The following YAE1 variants were observed in gnomAD, a reference collection of about 807,000 sequenced individuals.
YAE1 encodes protein YAE1 homolog.
In YAE1, 22 loss-of-function variants were observed where a neutral mutation model predicts 23.0. The ratio of observed to expected loss-of-function variants is 0.96; its 90% CI spans 0.68 to 1.37. The LOEUF (loss-of-function observed/expected upper bound fraction) is 1.37. Ranked by LOEUF, YAE1 falls within the 40% of genes most tolerant of loss-of-function variation. The pLI is 0.00. For synonymous variants in YAE1, 101 were observed against 97.0 expected, an observed-to-expected ratio of 1.04 and a Z score of -0.24; for missense variants, 260 against 262.1, an observed-to-expected ratio of 0.99 and a Z score of 0.06.
At chr7:39,569,952 A>G in intron 1 of YAE1, 2 of 1,324,576 alleles carry the variant, frequency 1.5e-6, no homozygotes, top group Non-Finnish European at 2.2e-6. Flanking sequence ...TGTGACATCT[A>G]CTTTCACAAC....
chr7:39,609,511 G>A, intron 2 of YAE1: 2 of 1,422,942 alleles, frequency 1.4e-6, no homozygotes, highest in Admixed American at 2.3e-5. Flanking sequence ...TTCGTTATAA[G>A]TTTATCAGAA....
At chr7:39,578,874 A>G (rs946604474) in intron 2 of YAE1, among the ~76,000 whole-genome samples, 14 of 152,238 alleles carry the variant, frequency 9.2e-5, no homozygotes, top group Admixed American at 3.3e-4. Flanking sequence ...AGTCATTACA[A>G]ATTTTACAAT....
At chr7:39,609,479 G>T in intron 2 of YAE1, 1 of 1,159,568 alleles carries the variant, frequency 8.6e-7, no homozygotes, top group African/African-American at 1.6e-5. Flanking sequence ...GGAAAGTTGG[G>T]GGGTTGTAAC....
downstream of YAE1, among the ~76,000 whole-genome samples, chr7:39,611,945 G>A (rs1466823491): frequency 3.3e-5 from 5 of 152,154 alleles, no homozygotes; most frequent in Middle Eastern, 3.2e-3. Flanking sequence ...CTTAGAGATA[G>A]TCCTGGAATA....
At chr7:39,575,581 AGT>A (rs1179474179), downstream of YAE1, among the ~76,000 whole-genome samples, 4 of 105,478 alleles carry the variant, frequency 3.8e-5, no homozygotes, top group East Asian at 8.4e-4. Context: ...AGAGAGAGTG[AGT>A]GTGTGTGTGT....
chr7:39,610,880 G>T (rs961462687), downstream of YAE1, among the ~76,000 whole-genome samples: 2 of 152,208 alleles, frequency 1.3e-5, no homozygotes, highest in African/African-American at 4.8e-5. Flanking sequence ...GGGTATGGTG[G>T]CTCATGCCTG....
At chr7:39,603,085 A>G (rs943343324) in intron 2 of YAE1, among the ~76,000 whole-genome samples, 2 of 152,192 alleles carry the variant, frequency 1.3e-5, no homozygotes, top group Non-Finnish European at 2.9e-5. Context: ...TCTGTGCCCC[A>G]GAAAAGTAAG....
At chr7:39,578,108 G>C (rs933550058) in intron 2 of YAE1, among the ~76,000 whole-genome samples, 1 of 152,174 alleles carries the variant, frequency 6.6e-6, no homozygotes, top group African/African-American at 2.4e-5. Flanking sequence ...AGCTAATCTG[G>C]TGGGGACTTG....
At chr7:39,585,663 C>A (rs1214450591) in intron 2 of YAE1, among the ~76,000 whole-genome samples, 1 of 152,198 alleles carries the variant, frequency 6.6e-6, no homozygotes, top group Non-Finnish European at 1.5e-5. Flanking sequence ...GCAAATGGCA[C>A]AACTTCCTTT....
At chr7:39,579,435 G>A (rs536244104) in intron 2 of YAE1, among the ~76,000 whole-genome samples, 3 of 152,232 alleles carry the variant, frequency 2.0e-5, no homozygotes, top group Admixed American at 1.3e-4. Context: ...ATGAGAGGCC[G>A]AGGTGGACAG....
intron 2 of YAE1, among the ~76,000 whole-genome samples, chr7:39,597,094 G>T (rs1407334699): frequency 6.6e-6 from 1 of 152,206 alleles, no homozygotes; most frequent in Admixed American, 6.5e-5. Context: ...TACAAGGCTT[G>T]TCCCTTAAAG....
At chr7:39,609,969 A>G (rs138555838) in exon 3 of YAE1, 3 of 1,518,320 alleles carry the variant, frequency 2.0e-6, no homozygotes, top group East Asian at 2.5e-5. Flanking sequence ...AATCATTATC[A>G]GAGGTGGACA....
At chr7:39,579,195 C>T (rs1423784262) in intron 2 of YAE1, among the ~76,000 whole-genome samples, 1 of 152,194 alleles carries the variant, frequency 6.6e-6, no homozygotes, top group Non-Finnish European at 1.5e-5. Flanking sequence ...TGCAGAGCTG[C>T]TTTTATGCCC....
At chr7:39,608,289 A>C (rs1791158756) in intron 2 of YAE1, among the ~76,000 whole-genome samples, 1 of 152,206 alleles carries the variant, frequency 6.6e-6, no homozygotes, top group African/African-American at 2.4e-5. Context: ...TCAGCACAGC[A>C]CCCTAGGGAA....
At chr7:39,572,167 A>G in intron 2 of YAE1, 110 bp from the exon 3 acceptor site, 1 of 1,188,582 alleles carries the variant, frequency 8.4e-7, no homozygotes, top group Non-Finnish European at 1.2e-6. Context: ...GGGGTTATGA[A>G]TTATAAACAG....
At chr7:39,585,999 C>A (rs370348546) in intron 2 of YAE1, among the ~76,000 whole-genome samples, 47 of 152,084 alleles carry the variant, frequency 3.1e-4, no homozygotes, top group African/African-American at 1.1e-3. Context: ...ACTTGGGAAG[C>A]CGAGGTGGAA....
chr7:39,580,621 A>C (rs1025514147), intron 2 of YAE1, among the ~76,000 whole-genome samples: 1 of 152,156 alleles, frequency 6.6e-6, no homozygotes, highest in African/African-American at 2.4e-5. Flanking sequence ...CACCCTGATA[A>C]GTTAGCACGT....
At chr7:39,599,251 T>TAATA (rs1554292914) in intron 2 of YAE1, among the ~76,000 whole-genome samples, 2 of 151,954 alleles carry the variant, frequency 1.3e-5, no homozygotes, top group East Asian at 3.9e-4. Context: ...AAAGTAATAA[T>TAATA]AATAAATAAA....
exon 3 of YAE1, chr7:39,610,024 A>G (rs1384499867): frequency 1.3e-6 from 2 of 1,497,372 alleles, no homozygotes; most frequent in South Asian, 2.6e-5. Context: ...GTGCTTAGGA[A>G]AGCCAGCCTC....
Sources: gnomAD v4.1 joint callset for allele counts (sites outside exome capture counted in the v4.1 genomes callset) on GRCh38, gnomAD v4.1.1 for gene constraint, MANE v1.5 for transcripts, NCBI Gene and HGNC (gene_info 2026-07-23, HGNC 2026-07-21) for gene names.